RNF220: variants seen among roughly 807,000 people sequenced by gnomAD.
RNF220 encodes the protein ring finger protein 220, also known as E3 ubiquitin-protein ligase RNF220.
In RNF220, 7 loss-of-function variants were observed where a neutral mutation model predicts 67.1. The observed-to-expected ratio is 0.10, with a 90% CI of 0.06 to 0.20. The LOEUF (loss-of-function observed/expected upper bound fraction) is 0.20, where lower values mean the gene tolerates loss of function less well. Ranked by LOEUF, RNF220 falls within the 10% of genes least tolerant of loss-of-function variation. RNF220 has a pLI of 1.00. For synonymous variants in RNF220, 270 were observed against 283.2 expected (o/e 0.95, Z 0.47); for missense variants, 565 against 740.3 (o/e 0.76, Z 2.75).
intron 6 of RNF220, among the ~76,000 whole-genome samples, chr1:44,634,475 T>G (rs1259771807): frequency 6.6e-6 from 1 of 152,170 alleles, no homozygotes; most frequent in Admixed American, 6.5e-5. Context: ...GTTCCCCTCC[T>G]AGATTGCATT....
At chr1:44,482,627 A>T (rs1218621989) in intron 2 of RNF220, among the ~76,000 whole-genome samples, 4 of 145,138 alleles carry the variant, frequency 2.8e-5, no homozygotes, top group Non-Finnish European at 6.1e-5. Context: ...AATTCAGTAA[A>T]TTTTTTTTTT....
At chr1:44,474,307 G>A (rs908222543) in intron 2 of RNF220, among the ~76,000 whole-genome samples, 5 of 151,326 alleles carry the variant, frequency 3.3e-5, no homozygotes, top group Middle Eastern at 3.2e-3. Flanking sequence ...CCCGGCAGGC[G>A]GAGGTTGCAG....
chr1:44,590,708 G>C (rs1005950254), intron 2 of RNF220, among the ~76,000 whole-genome samples: 1 of 152,198 alleles, frequency 6.6e-6, no homozygotes, highest in Admixed American at 6.5e-5. Flanking sequence ...GAAGCGGGGG[G>C]GCCAGGGAGG....
intron 6 of RNF220, among the ~76,000 whole-genome samples, chr1:44,633,448 G>A (rs926209867): frequency 3.9e-5 from 6 of 152,188 alleles, no homozygotes; most frequent in African/African-American, 7.2e-5. Context: ...CCTCTGGATA[G>A]AGAACAGAAC....
In RNF220 at chr1:44,508,485, G is replaced by A. The variant is rs182045489; in HGVS notation, c.625+95763G>A. On this transcript the variant is annotated intron_variant, in intron 2 of 14. Transcript: ENST00000361799. Reference sequence around the variant, plus strand: ...CAGGAACGCCTGCATCTTAGTTTCCGCTCTTGGGCTGGGTGCCCCAAAAGA... The same window carrying A: ...CAGGAACGCCTGCATCTTAGTTTCCACTCTTGGGCTGGGTGCCCCAAAAGA... Among the ~76,000 whole-genome samples the A allele has an allele frequency of 5.3e-5, 8 of 152,250 alleles. No homozygotes were observed. The East Asian group carries it at 1.5e-3, about 29-fold the overall frequency.
intron 2 of RNF220, among the ~76,000 whole-genome samples, chr1:44,438,841 T>G (rs113884101): frequency 2.1e-4 from 32 of 152,362 alleles, no homozygotes; most frequent in Non-Finnish European, 3.8e-4. Context: ...CAGTGTGTTT[T>G]GATATAAGTA....
At chr1:44,641,045 A>ATT (rs200916075) in intron 8 of RNF220, among the ~76,000 whole-genome samples, 23 of 150,306 alleles carry the variant, frequency 1.5e-4, no homozygotes, top group East Asian at 5.8e-4. Context: ...ATTAACACTG[A>ATT]TTTTTTTTTT....
At chr1:44,490,136 A>C (rs1656720134) in intron 2 of RNF220, among the ~76,000 whole-genome samples, 1 of 152,200 alleles carries the variant, frequency 6.6e-6, no homozygotes, top group South Asian at 2.1e-4. Flanking sequence ...TAGAAAGGGA[A>C]ATACTGGATA....
rs1648099828 is a variant in RNF220, at chr1:44,412,767, G to A, written c.625+45G>A. On this transcript the variant is annotated intron_variant, in intron 2 of 14. Transcript: ENST00000361799. This position sits in a 1 kb window ranked among gnomAD's most constrained non-coding sequence, Gnocchi z 5.3. ...CCCTCCCTTACCCCCAGTAAGCCCT[G>A]CCTCACCGTGATGTTCAACAGGTCG... The A allele has an allele frequency of 1.3e-6, 2 of 1,574,026 alleles. No individual in the cohort carries two copies. The highest frequency in any genetic ancestry group is 1.4e-5 in the African/African-American group (1 of 73,884).
intron 2 of RNF220, among the ~76,000 whole-genome samples, chr1:44,452,411 G>A (rs1359201008): frequency 3.3e-5 from 5 of 151,850 alleles, no homozygotes; most frequent in East Asian, 3.9e-4. Flanking sequence ...AAAATTAGCC[G>A]GGCTTGGTGG....
At chr1:44,578,138 T>TCTTC (rs1553249431) in intron 2 of RNF220, among the ~76,000 whole-genome samples, 2 of 147,364 alleles carry the variant, frequency 1.4e-5, no homozygotes, top group Admixed American at 6.8e-5. Flanking sequence ...TTTCTTTCTT[T>TCTTC]CTTTCCTTTT....
intron 2 of RNF220, among the ~76,000 whole-genome samples, chr1:44,587,520 T>TG (rs968680766): frequency 1.3e-5 from 2 of 152,132 alleles, no homozygotes; most frequent in Non-Finnish European, 2.9e-5. Flanking sequence ...TGGAAAGAGA[T>TG]GGGGAACATT....
At chr1:44,538,933 A>G (rs1348362694) in intron 2 of RNF220, among the ~76,000 whole-genome samples, 1,616 of 149,554 alleles carry the variant, frequency 0.011, 34 homozygotes, top group African/African-American at 0.036. Context: ...AAAAAAAAAA[A>G]AAAAAGGCTG....
rs2148454252 is a variant in RNF220 at position 44,624,641 on chromosome 1, A to G, written c.805-1656A>G. 6.6e-6 allele frequency among the ~76,000 whole-genome samples: 1 copy of G among 152,150 alleles called. No individual in the cohort carries two copies. Among genetic ancestry groups the G allele is most frequent in the East Asian group, 1.9e-4 (1 of 5,152 alleles). On this transcript the variant is annotated intron_variant, in intron 4 of 14. Coordinates refer to ENST00000361799, the MANE Select transcript of RNF220 (RefSeq NM_018150.4). This position sits in a 1 kb window ranked among gnomAD's most constrained non-coding sequence, Gnocchi z 4.2. The stretch of plus-strand genomic sequence containing the variant: ...CGTGAGTGGAAGAGGCGAGAGAGAG[A>G]AGGTTCAAGCAAGAGACTGAAAGGA...
At chr1:44,517,620 G>T (rs1659558230) in intron 2 of RNF220, among the ~76,000 whole-genome samples, 1 of 152,198 alleles carries the variant, frequency 6.6e-6, no homozygotes. Context: ...TGTAAGCTCT[G>T]TGAGGGCAGC....
At chr1:44,587,145 C>CTTTTTTTTTTTTTTTTTTTTTTTTTTCT in intron 2 of RNF220, among the ~76,000 whole-genome samples, 1 of 124,126 alleles carries the variant, frequency 8.1e-6, no homozygotes. Context: ...CTTCTTCTTC[C>CTTTTTTTTTTTTTTTTTTTTTTTTTTCT]TTTTTTTTTT....
At chr1:44,450,036 C>A (rs1409438900) in intron 2 of RNF220, among the ~76,000 whole-genome samples, 5 of 152,124 alleles carry the variant, frequency 3.3e-5, no homozygotes, top group Admixed American at 2.6e-4. Flanking sequence ...ACAGAGAGAC[C>A]CTGTCTCTAC....
intron 2 of RNF220, among the ~76,000 whole-genome samples, chr1:44,446,539 C>T (rs7542013): frequency 0.53 from 80,367 of 151,162 alleles, 22,737 homozygotes; most frequent in Admixed American, 0.64. Flanking sequence ...AAAGAGGGAC[C>T]GGGCCGTTCC....
chr1:44,489,334 C>T (rs1656640235), intron 2 of RNF220, among the ~76,000 whole-genome samples: 1 of 152,196 alleles, frequency 6.6e-6, no homozygotes, highest in East Asian at 1.9e-4. Context: ...AGATAATACA[C>T]ATTTCCGTAT....
Sources: gnomAD v4.1 joint callset for allele counts (sites outside exome capture counted in the v4.1 genomes callset) on GRCh38, gnomAD v4.1.1 for gene constraint, Gnocchi (gnomAD v3.1) non-coding constraint, MANE v1.5 for transcripts, NCBI Gene and HGNC (gene_info 2026-07-23, HGNC 2026-07-21) for gene names.